ATG7: variants seen among roughly 807,000 people sequenced by gnomAD.
The protein encoded by ATG7 is autophagy related 7.
In ATG7, 70 loss-of-function variants were observed where a neutral mutation model predicts 82.4. The ratio of observed to expected loss-of-function variants is 0.85; its 90% CI spans 0.70 to 1.04. ATG7 has a LOEUF of 1.04. ATG7 is among the 50% of genes least tolerant of loss of function. The probability of loss-of-function intolerance (pLI) is 0.00; values close to 1 mark genes in which losing one functional copy is unlikely to be tolerated. For missense variants in ATG7, 792 were observed against 864.3 expected (o/e 0.92, Z 1.05); for synonymous variants, 287 against 313.0 (o/e 0.92, Z 0.88).
chr3:11,311,760 G>C (rs923572763), intron 7 of ATG7, among the ~76,000 whole-genome samples: 1 of 152,002 alleles, frequency 6.6e-6, no homozygotes, highest in Non-Finnish European at 1.5e-5. Context: ...GGACTCATAG[G>C]ACTAGACAGT....
chr3:11,414,318 G>A (rs866546839), intron 19 of ATG7, among the ~76,000 whole-genome samples: 3 of 152,038 alleles, frequency 2.0e-5, no homozygotes, highest in Non-Finnish European at 4.4e-5. Context: ...CACCCACCTC[G>A]GCCTCCCACA....
chr3:11,375,543 C>A (rs1448818998), intron 18 of ATG7, among the ~76,000 whole-genome samples: 2 of 138,306 alleles, frequency 1.4e-5, no homozygotes, highest in African/African-American at 5.1e-5. Flanking sequence ...AGCCCTCACA[C>A]TTTGCTAGTG....
chr3:11,355,545 GA>G (rs1227825778), intron 14 of ATG7, among the ~76,000 whole-genome samples: 1 of 152,084 alleles, frequency 6.6e-6, no homozygotes, highest in African/African-American at 2.4e-5. Context: ...TTTTAAGGGG[GA>G]AAAAAGCTTG....
In ATG7 at chr3:11,368,745, A is replaced by G. The variant is rs935936165; in HGVS notation, c.1875+4011A>G. 4.0e-5 allele frequency among the ~76,000 whole-genome samples: 6 copies of G among 150,900 alleles called. 1 individual carries two copies. Among genetic ancestry groups the G allele is most frequent in the Admixed American group, 6.6e-5 (1 of 15,086 alleles). On this transcript the variant is annotated intron_variant, in intron 18 of 20. Coordinates refer to ENST00000693202, the MANE Select transcript of ATG7 (RefSeq NM_001349232.2). Reference sequence around the variant, plus strand: ...AGAGGGAGTCCCTGTCTCAAAAAAAAAAAAAAAGGAATCAAGGTGACGCTA... The same window carrying G: ...AGAGGGAGTCCCTGTCTCAAAAAAAGAAAAAAAGGAATCAAGGTGACGCTA...
At position 11,557,016 on chromosome 3, in the gene ATG7, G is replaced by T. The variant is rs150193137; in HGVS notation, c.*2173G>T. ...AAAACTGTAAAACCGGGGGTCATACGGTGTGCAGAGTCCACAAAGCCTTGC... is the reference window on the plus strand; with the variant it reads ...AAAACTGTAAAACCGGGGGTCATACTGTGTGCAGAGTCCACAAAGCCTTGC... On this transcript the variant is annotated 3_prime_UTR_variant, in exon 21 of 21. Coordinates refer to ENST00000693202, the MANE Select transcript of ATG7 (RefSeq NM_001349232.2). 1 of 152,418 alleles carries T rather than the reference G, an allele frequency of 6.6e-6. No homozygotes were observed. Among genetic ancestry groups the T allele is most frequent in the Non-Finnish European group, 1.5e-5 (1 of 68,048 alleles). 9.4% of individuals were successfully genotyped at this position (152,418 alleles called of 1,614,324 possible).
At chr3:11,446,492 ATCTG>A (rs1559641785) in intron 20 of ATG7, 1 of 446,106 alleles carries the variant, frequency 2.2e-6, no homozygotes, top group Non-Finnish European at 4.5e-6. Flanking sequence ...ACTTTATTGT[ATCTG>A]GTTTACTTTT....
chr3:11,510,189 ATCTT>A, intron 20 of ATG7: 1 of 456,598 alleles, frequency 2.2e-6, no homozygotes, highest in Non-Finnish European at 4.4e-6. Context: ...TTTCAGGATC[ATCTT>A]TCTTTCATCC....
At chr3:11,534,910 G>A (rs939928047) in intron 20 of ATG7, among the ~76,000 whole-genome samples, 1 of 152,244 alleles carries the variant, frequency 6.6e-6, no homozygotes, top group South Asian at 2.1e-4. Flanking sequence ...GCCCTGCTGC[G>A]GAGGCGCCTC....
At chr3:11,337,674 GTCT>G (rs1163033046) in intron 11 of ATG7, among the ~76,000 whole-genome samples, 1 of 151,838 alleles carries the variant, frequency 6.6e-6, no homozygotes, top group Non-Finnish European at 1.5e-5. Flanking sequence ...GAGAGATGAG[GTCT>G]TCTTATGTTG....
intron 20 of ATG7, among the ~76,000 whole-genome samples, chr3:11,554,279 G>A (rs992246366): frequency 3.9e-5 from 6 of 152,242 alleles, no homozygotes; most frequent in African/African-American, 9.6e-5. Context: ...TGGCTGGTGG[G>A]GAGGGCTTGC....
intron 9 of ATG7, among the ~76,000 whole-genome samples, chr3:11,315,881 A>G (rs965630790): frequency 6.6e-6 from 1 of 152,148 alleles, no homozygotes; most frequent in African/African-American, 2.4e-5. Context: ...GCCCGCCACC[A>G]TGCCTGGCTA....
At chr3:11,491,671 T>A (rs930256407) in intron 20 of ATG7, among the ~76,000 whole-genome samples, 1 of 152,198 alleles carries the variant, frequency 6.6e-6, no homozygotes, top group African/African-American at 2.4e-5. Context: ...CCTTTCTGTT[T>A]GTTAGTTTTC....
intron 11 of ATG7, among the ~76,000 whole-genome samples, chr3:11,336,687 G>C (rs1952552811): frequency 6.6e-6 from 1 of 151,568 alleles, no homozygotes; most frequent in Admixed American, 6.6e-5. Context: ...TTTATTTTTT[G>C]AGACAGGGTC....
Position 11,420,693 on chromosome 3 carries a change from A to G in ATG7, c.1957-6111A>G, listed in dbSNP as rs145097787. ...TTACATTTTTACTATACTGTAGTCTATTAAGTGTGCAATAGCATTATGTCT... is the reference window on the plus strand; with the variant it reads ...TTACATTTTTACTATACTGTAGTCTGTTAAGTGTGCAATAGCATTATGTCT... On this transcript the variant is annotated intron_variant, in intron 19 of 20. Transcript: ENST00000693202. 2.2e-3 allele frequency among the ~76,000 whole-genome samples: 333 copies of G among 151,780 alleles called. 1 individual carries two copies. Among genetic ancestry groups the G allele is most frequent in the African/African-American group, 7.1e-3 (294 of 41,370 alleles).
At chr3:11,367,420 C>T (rs1216691578) in intron 18 of ATG7, among the ~76,000 whole-genome samples, 1 of 152,124 alleles carries the variant, frequency 6.6e-6, no homozygotes, top group Non-Finnish European at 1.5e-5. Context: ...TTAATTGGCC[C>T]CTGTGGAAGA....
At chr3:11,421,445 C>A (rs768186813) in intron 19 of ATG7, among the ~76,000 whole-genome samples, 6 of 152,218 alleles carry the variant, frequency 3.9e-5, no homozygotes, top group Non-Finnish European at 7.3e-5. Context: ...AAACCACTCT[C>A]TTTGCTTACC....
the ATG7 span, among the ~76,000 whole-genome samples, chr3:11,575,802 T>C: frequency 6.6e-6 from 1 of 152,240 alleles, no homozygotes; most frequent in African/African-American, 2.4e-5. Flanking sequence ...TGAGTGAGTC[T>C]GGGGCCAACC....
At chr3:11,350,674 C>G (rs933084801) in intron 14 of ATG7, among the ~76,000 whole-genome samples, 71 of 151,936 alleles carry the variant, frequency 4.7e-4, no homozygotes, top group African/African-American at 1.7e-3. Context: ...AGGACCAAGC[C>G]CAAAGTCAAT....
chr3:11,312,560 C>G (rs1361267721), intron 7 of ATG7, among the ~76,000 whole-genome samples: 1 of 152,224 alleles, frequency 6.6e-6, no homozygotes, highest in Non-Finnish European at 1.5e-5. Context: ...CTCGCTTTAT[C>G]TCTGCTCTGT....
Sources: allele counts gnomAD v4.1 joint callset (sites outside exome capture counted in the v4.1 genomes callset), GRCh38; gene constraint gnomAD v4.1.1; transcripts MANE v1.5; gene names NCBI Gene and HGNC (gene_info 2026-07-23, HGNC 2026-07-21).